NSMCE2: variants seen among roughly 807,000 people sequenced by gnomAD.
The protein encoded by NSMCE2 is E3 SUMO-protein ligase NSE2.
A neutral mutation model predicts 23.8 loss-of-function variants in NSMCE2; 24 were observed. The observed-to-expected ratio is 1.01, with a 90% CI of 0.73 to 1.42. The LOEUF is 1.42. NSMCE2 is among the 40% of genes most tolerant of loss of function. The probability of loss-of-function intolerance (pLI) is 0.00; values close to 1 mark genes in which losing one functional copy is unlikely to be tolerated. For synonymous variants in NSMCE2, 92 were observed against 94.1 expected, an observed-to-expected ratio of 0.98 and a Z score of 0.13; for missense variants, 284 against 296.5, an observed-to-expected ratio of 0.96 and a Z score of 0.31.
intron 5 of NSMCE2, among the ~76,000 whole-genome samples, chr8:125,236,119 A>G (rs1403006876): frequency 1.3e-5 from 2 of 152,222 alleles, no homozygotes; most frequent in Non-Finnish European, 2.9e-5. Context: ...GTCTGAAGGC[A>G]AGTGAAAATT....
intron 7 of NSMCE2, among the ~76,000 whole-genome samples, chr8:125,366,283 G>A (rs1013529175): frequency 6.6e-6 from 1 of 152,216 alleles, no homozygotes; most frequent in South Asian, 2.1e-4. Flanking sequence ...GCTCACGCCG[G>A]TAATCCCAGC....
rs541983187 is a variant in NSMCE2, at chr8:125,136,845, G to C, written c.158-14326G>C. ...ACTGATGATTTCAGTCAATTAAATT[G>C]AAAATAAAACATCTTTAAAATGTCA... On this transcript the variant is annotated intron_variant, in intron 3 of 7. Coordinates refer to ENST00000287437, the MANE Select transcript of NSMCE2 (RefSeq NM_173685.4). Among the ~76,000 whole-genome samples, 52 of 151,958 alleles carry C rather than the reference G, an allele frequency of 3.4e-4. No individual in the cohort carries two copies. In the South Asian group the frequency reaches 1.0e-2, roughly 29 times the overall value.
intron 7 of NSMCE2, among the ~76,000 whole-genome samples, chr8:125,361,326 C>T (rs1813543410): frequency 6.6e-6 from 1 of 152,132 alleles, no homozygotes; most frequent in Non-Finnish European, 1.5e-5. Flanking sequence ...CCTTGGCCTC[C>T]CAACCTTATG....
intron 5 of NSMCE2, among the ~76,000 whole-genome samples, chr8:125,192,838 T>C (rs1430105913): frequency 1.3e-5 from 2 of 152,210 alleles, no homozygotes; most frequent in African/African-American, 4.8e-5. Flanking sequence ...TAAGGCTGCC[T>C]GCCAGATGAT....
intron 3 of NSMCE2, among the ~76,000 whole-genome samples, chr8:125,134,483 T>G (rs559600004): frequency 1.8e-4 from 28 of 152,306 alleles, no homozygotes; most frequent in African/African-American, 6.7e-4. Flanking sequence ...CAATGGTATC[T>G]TATAGTGGTT....
intron 5 of NSMCE2, among the ~76,000 whole-genome samples, chr8:125,201,039 C>T (rs549174561): frequency 1.3e-5 from 2 of 152,300 alleles, no homozygotes; most frequent in Middle Eastern, 6.8e-3. Context: ...AAGGTCTTCT[C>T]TATACTGTTT....
intron 5 of NSMCE2, among the ~76,000 whole-genome samples, chr8:125,227,456 A>G (rs561883761): frequency 1.3e-5 from 2 of 152,324 alleles, no homozygotes; most frequent in South Asian, 4.1e-4. Context: ...TTACCGAATA[A>G]CGAATCAAAT....
rs113807414 is a variant in NSMCE2, at chr8:125,111,346, A to C, written c.157+8859A>C. On this transcript the variant is annotated intron_variant, in intron 3 of 7. Transcript: ENST00000287437. ...TAAATCCGGGTGCTTTGGGGGTAAGATTCTAGTTTTGTTCCTGAATAAGAC... is the reference window on the plus strand; with the variant it reads ...TAAATCCGGGTGCTTTGGGGGTAAGCTTCTAGTTTTGTTCCTGAATAAGAC... Among the ~76,000 whole-genome samples the C allele has an allele frequency of 3.1e-3, 473 of 152,282 alleles. 2 individuals are homozygous for C. Among genetic ancestry groups the C allele is most frequent in the African/African-American group, 0.011 (447 of 41,566 alleles).
At chr8:125,256,664 G>T (rs372461053) in intron 5 of NSMCE2, among the ~76,000 whole-genome samples, 2 of 152,054 alleles carry the variant, frequency 1.3e-5, no homozygotes, top group African/African-American at 2.4e-5. Context: ...GGTGGCTCAC[G>T]CCTGTAATCC....
intron 5 of NSMCE2, among the ~76,000 whole-genome samples, chr8:125,222,700 CT>C (rs1824918505): frequency 6.6e-6 from 1 of 152,284 alleles, no homozygotes; most frequent in South Asian, 2.1e-4. Flanking sequence ...GACAGAATTT[CT>C]TTTTAAAGGC....
intron 5 of NSMCE2, among the ~76,000 whole-genome samples, chr8:125,324,513 C>A (rs1586769812): frequency 3.6e-5 from 3 of 83,702 alleles, no homozygotes; most frequent in Non-Finnish European, 4.7e-5. Context: ...AGCAAGGTGC[C>A]AGACCAAAAA....
intron 5 of NSMCE2, among the ~76,000 whole-genome samples, chr8:125,286,308 T>TTTA (rs1827892569): frequency 1.2e-5 from 1 of 86,192 alleles, no homozygotes; most frequent in African/African-American, 3.4e-5. Context: ...AACAATACCT[T>TTTA]TTATTTATTT....
intron 1 of NSMCE2, 98 bp from the exon 2 acceptor site, chr8:125,101,953 T>C (rs1478420639): frequency 6.3e-6 from 1 of 159,466 alleles, no homozygotes; most frequent in Non-Finnish European, 1.4e-5. Flanking sequence ...TAGTATTTTT[T>C]TCTCTTTGGA....
intron 5 of NSMCE2, among the ~76,000 whole-genome samples, chr8:125,230,323 C>T (rs1177031877): frequency 6.6e-6 from 1 of 152,202 alleles, no homozygotes. Flanking sequence ...TACCCAGAAC[C>T]CTTTCAATTT....
At chr8:125,171,614 A>G (rs1315025529) in intron 4 of NSMCE2, among the ~76,000 whole-genome samples, 2 of 152,344 alleles carry the variant, frequency 1.3e-5, no homozygotes, top group Middle Eastern at 3.4e-3. Context: ...TGCTACTAAT[A>G]CTGCTGCTAA....
intron 5 of NSMCE2, among the ~76,000 whole-genome samples, chr8:125,255,394 C>T (rs554942765): frequency 1.9e-3 from 285 of 152,276 alleles, no homozygotes; most frequent in African/African-American, 5.9e-3. Flanking sequence ...ATATTTACTA[C>T]GTATCACAGG....
intron 7 of NSMCE2, among the ~76,000 whole-genome samples, chr8:125,364,866 G>A (rs777572192): frequency 3.3e-5 from 5 of 152,220 alleles, no homozygotes; most frequent in Non-Finnish European, 5.9e-5. Context: ...TGAATTGCCT[G>A]TGGTCTCATA....
At chr8:125,311,827 C>T (rs1828982134) in intron 5 of NSMCE2, among the ~76,000 whole-genome samples, 1 of 151,748 alleles carries the variant, frequency 6.6e-6, no homozygotes, top group African/African-American at 2.4e-5. Flanking sequence ...GCCTGTAATC[C>T]CAGCACTTTG....
At chr8:125,270,737 T>C (rs868043911) in intron 5 of NSMCE2, 2 of 151,932 alleles carry the variant, frequency 1.3e-5, no homozygotes, top group Non-Finnish European at 2.9e-5. Flanking sequence ...AGCATCAATA[T>C]GGTGACCCCT....
Sources: gnomAD v4.1 joint callset for allele counts (sites outside exome capture counted in the v4.1 genomes callset) on GRCh38, gnomAD v4.1.1 for gene constraint, MANE v1.5 for transcripts, NCBI Gene and HGNC (gene_info 2026-07-23, HGNC 2026-07-21) for gene names.